The following TBC1D5 variants were observed in gnomAD, a reference collection of about 807,000 sequenced individuals.
The protein encoded by TBC1D5 is TBC1 domain family, member 5.
In TBC1D5, 75 loss-of-function variants were observed where a neutral mutation model predicts 100.3. The observed-to-expected ratio is 0.75, with a 90% CI of 0.62 to 0.91. The LOEUF (loss-of-function observed/expected upper bound fraction) is 0.91, where lower values mean the gene tolerates loss of function less well. Among genes scored for constraint, TBC1D5 ranks in the 40% least tolerant of loss-of-function variants. TBC1D5 has a pLI of 0.00. For synonymous variants in TBC1D5, 323 were observed against 325.6 expected (o/e 0.99, Z 0.09); for missense variants, 910 against 942.4 (o/e 0.97, Z 0.45).
At chr3:17,455,218 A>G (rs1441169221) in intron 3 of TBC1D5, among the ~76,000 whole-genome samples, 1 of 146,242 alleles carries the variant, frequency 6.8e-6, no homozygotes, top group East Asian at 2.0e-4. Flanking sequence ...ATGTATACAT[A>G]TATATTATAT....
intron 3 of TBC1D5, among the ~76,000 whole-genome samples, chr3:17,441,294 G>A (rs752902829): frequency 6.6e-6 from 1 of 152,058 alleles, no homozygotes; most frequent in South Asian, 2.1e-4. Flanking sequence ...AGGAGCAGGC[G>A]GAGAAAACAC....
chr3:17,728,134 A>G (rs1285936858), intron 1 of TBC1D5, among the ~76,000 whole-genome samples: 2 of 152,190 alleles, frequency 1.3e-5, no homozygotes, highest in Non-Finnish European at 2.9e-5. Context: ...GAGCACACAC[A>G]CGCATACCCA....
intron 18 of TBC1D5, among the ~76,000 whole-genome samples, chr3:17,194,626 A>G (rs1339111023): frequency 1.3e-5 from 2 of 152,250 alleles, no homozygotes; most frequent in Non-Finnish European, 2.9e-5. Flanking sequence ...ATAAAATGCA[A>G]TGAAAAGGAA....
intron 8 of TBC1D5, among the ~76,000 whole-genome samples, chr3:17,392,845 AG>A (rs1650884495): frequency 1.3e-5 from 2 of 152,148 alleles, no homozygotes; most frequent in African/African-American, 4.8e-5. Flanking sequence ...GTGTCTTTAT[AG>A]TAGAATGACT....
intron 2 of TBC1D5, among the ~76,000 whole-genome samples, chr3:17,559,210 G>A (rs1327708533): frequency 1.3e-5 from 2 of 151,318 alleles, no homozygotes; most frequent in Non-Finnish European, 2.9e-5. Flanking sequence ...GTGGCATCTC[G>A]GTTCCCTGCA....
intron 13 of TBC1D5, among the ~76,000 whole-genome samples, chr3:17,370,509 C>T (rs1478252474): frequency 6.6e-6 from 1 of 152,116 alleles, no homozygotes; most frequent in African/African-American, 2.4e-5. Flanking sequence ...CATTAATAAC[C>T]TGCATTGCTG....
chr3:17,161,063 A>G (rs762991764), exon 22 of TBC1D5: 1 of 1,614,216 alleles, frequency 6.2e-7, no homozygotes, highest in Non-Finnish European at 8.5e-7. Flanking sequence ...GGCTGGGCCC[A>G]TCAGTGGATC....
chr3:17,158,003 C>G (rs974553508), exon 22 of TBC1D5: 4 of 152,186 alleles, frequency 2.6e-5, no homozygotes, highest in African/African-American at 7.2e-5. Context: ...TTATTTCTTT[C>G]CGGATTGCAG....
At chr3:17,510,636 A>G (rs1371813125) in intron 2 of TBC1D5, among the ~76,000 whole-genome samples, 1 of 152,028 alleles carries the variant, frequency 6.6e-6, no homozygotes, top group Non-Finnish European at 1.5e-5. Context: ...ACAGAGTTTG[A>G]CAAATTCTGT....
chr3:17,389,986 G>A (rs927322557), intron 8 of TBC1D5, among the ~76,000 whole-genome samples: 7 of 151,934 alleles, frequency 4.6e-5, no homozygotes, highest in African/African-American at 1.7e-4. Context: ...CTATCCTGAA[G>A]TACAATTCAT....
At chr3:17,694,150 G>A (rs1008320862) in intron 1 of TBC1D5, among the ~76,000 whole-genome samples, 2 of 152,190 alleles carry the variant, frequency 1.3e-5, no homozygotes, top group Non-Finnish European at 2.9e-5. Context: ...AACCAGAGCA[G>A]AAAAGCTGAA....
chr3:17,209,180 C>T (rs994247690), intron 18 of TBC1D5, among the ~76,000 whole-genome samples: 3 of 152,196 alleles, frequency 2.0e-5, no homozygotes, highest in African/African-American at 7.2e-5. Flanking sequence ...CAAGCTCTTG[C>T]TCTGCATCCC....
chr3:17,389,269 CAA>C, intron 8 of TBC1D5, among the ~76,000 whole-genome samples: 1 of 152,056 alleles, frequency 6.6e-6, no homozygotes, highest in Non-Finnish European at 1.5e-5. Flanking sequence ...GATTCAGGTT[CAA>C]GTTTTCAACA....
At chr3:17,342,770 T>C (rs935860921) in intron 13 of TBC1D5, among the ~76,000 whole-genome samples, 2 of 152,200 alleles carry the variant, frequency 1.3e-5, no homozygotes, top group Admixed American at 6.5e-5. Context: ...ACAAATTTAC[T>C]TTATAATAAA....
chr3:17,672,870 T>C (rs746843320), intron 1 of TBC1D5, among the ~76,000 whole-genome samples: 4 of 152,218 alleles, frequency 2.6e-5, no homozygotes, highest in Non-Finnish European at 5.9e-5. Flanking sequence ...CAGAGCTCCA[T>C]GAATATCTGT....
chr3:17,164,279 T>C (rs1255584696), intron 21 of TBC1D5, among the ~76,000 whole-genome samples: 3 of 152,362 alleles, frequency 2.0e-5, no homozygotes, highest in South Asian at 4.1e-4. Context: ...CCATGAGCCA[T>C]GTGTCACTAG....
intron 1 of TBC1D5, among the ~76,000 whole-genome samples, chr3:17,683,191 A>G (rs899656720): frequency 6.6e-6 from 1 of 151,568 alleles, no homozygotes; most frequent in Non-Finnish European, 1.5e-5. Context: ...TTTGGGATTA[A>G]TAGTGTTTGT....
intron 2 of TBC1D5, among the ~76,000 whole-genome samples, chr3:17,620,439 A>G (rs561479137): frequency 6.6e-6 from 1 of 152,384 alleles, no homozygotes; most frequent in East Asian, 1.9e-4. Flanking sequence ...TGAAGAAACT[A>G]CGGCACACAC....
At chr3:17,693,899 G>C (rs942830622) in intron 1 of TBC1D5, among the ~76,000 whole-genome samples, 1 of 152,110 alleles carries the variant, frequency 6.6e-6, no homozygotes, top group Non-Finnish European at 1.5e-5. Flanking sequence ...GATCAGGCAG[G>C]TTCTGCAATA....
Sources: allele counts gnomAD v4.1 joint callset (sites outside exome capture counted in the v4.1 genomes callset), GRCh38; gene constraint gnomAD v4.1.1; transcripts MANE v1.5; gene names NCBI Gene and HGNC (gene_info 2026-07-23, HGNC 2026-07-21).